The following DAB1 variants were observed in gnomAD, a reference collection of about 807,000 sequenced individuals.
DAB1 encodes the protein disabled homolog 1.
A neutral mutation model predicts 64.6 loss-of-function variants in DAB1; 15 were observed. That is an observed-to-expected ratio of 0.23 (90% CI 0.16 to 0.36). DAB1 has a LOEUF of 0.36. Ranked by LOEUF, DAB1 falls within the 10% of genes least tolerant of loss-of-function variation. DAB1 has a pLI of 1.00. For missense variants in DAB1, 596 were observed against 706.7 expected (o/e 0.84, Z 1.78); for synonymous variants, 235 against 251.9 (o/e 0.93, Z 0.64).
At chr1:57,865,906 A>G (rs1348497958) in intron 1 of DAB1, among the ~76,000 whole-genome samples, 2 of 152,154 alleles carry the variant, frequency 1.3e-5, no homozygotes, top group African/African-American at 2.4e-5. Context: ...GGGGTCTGGG[A>G]AATCCAAAAT....
At chr1:58,193,440 GCAATA>G (rs2100237508) in intron 4 of DAB1, among the ~76,000 whole-genome samples, 1 of 152,282 alleles carries the variant, frequency 6.6e-6, no homozygotes, top group East Asian at 1.9e-4. Flanking sequence ...GTCCTTTGTA[GCAATA>G]CAAAACAGAC....
chr1:57,487,398 G>A (rs1335269245), intron 7 of DAB1, among the ~76,000 whole-genome samples: 1 of 152,126 alleles, frequency 6.6e-6, no homozygotes, highest in Non-Finnish European at 1.5e-5. Flanking sequence ...AACTCTGGTG[G>A]GGGCCAGGGC....
At chr1:57,232,308 A>G (rs933288185) in intron 2 of DAB1, among the ~76,000 whole-genome samples, 2 of 20,684 alleles carry the variant, frequency 9.7e-5, no homozygotes, top group Non-Finnish European at 2.3e-4. Flanking sequence ...TTTTTTTTGC[A>G]CGAACCTCAT....
At chr1:58,026,544 C>T (rs989730413) in intron 5 of DAB1, among the ~76,000 whole-genome samples, 4 of 152,070 alleles carry the variant, frequency 2.6e-5, no homozygotes, top group Non-Finnish European at 5.9e-5. Flanking sequence ...TATTGGTGCT[C>T]CCTTATTATT....
At chr1:57,361,704 A>C (rs1429187751) in intron 1 of DAB1, among the ~76,000 whole-genome samples, 1 of 152,152 alleles carries the variant, frequency 6.6e-6, no homozygotes, top group Non-Finnish European at 1.5e-5. Flanking sequence ...CATGAGAATC[A>C]CATAGCCCAG....
At chr1:57,455,274 T>C (rs1686543224) in intron 7 of DAB1, among the ~76,000 whole-genome samples, 1 of 152,150 alleles carries the variant, frequency 6.6e-6, no homozygotes, top group South Asian at 2.1e-4. Context: ...AACTTTTCTG[T>C]CTATAGATCA....
intron 7 of DAB1, among the ~76,000 whole-genome samples, chr1:57,440,560 A>AGGAG (rs201663510): frequency 2.6e-5 from 4 of 152,090 alleles, no homozygotes; most frequent in Non-Finnish European, 4.4e-5. Flanking sequence ...GAAGGAAGAA[A>AGGAG]GGAGGGAGGG....
intron 4 of DAB1, among the ~76,000 whole-genome samples, chr1:57,081,797 A>G (rs3768185): frequency 0.22 from 33,403 of 151,916 alleles, 4,341 homozygotes; most frequent in East Asian, 0.49. Flanking sequence ...TGTAAGTACT[A>G]ATTAATATTG....
At chr1:57,740,046 C>CAAAAAAAAAAAAA (rs34382329) in intron 6 of DAB1, among the ~76,000 whole-genome samples, 69 of 103,094 alleles carry the variant, frequency 6.7e-4, no homozygotes, top group Non-Finnish European at 8.4e-4. Context: ...ACTACTACTA[C>CAAAAAAAAAAAAA]AAAAAAAAAA....
intron 7 of DAB1, among the ~76,000 whole-genome samples, chr1:57,573,387 T>C (rs1558506693): frequency 6.6e-6 from 1 of 152,214 alleles, no homozygotes; most frequent in Non-Finnish European, 1.5e-5. Context: ...CCACCATGCC[T>C]GACCTCATTA....
At chr1:57,858,393 T>A (rs1188461565) in intron 1 of DAB1, among the ~76,000 whole-genome samples, 1 of 152,156 alleles carries the variant, frequency 6.6e-6, no homozygotes, top group Non-Finnish European at 1.5e-5. Flanking sequence ...TTTGTACAGA[T>A]GAATGCCACA....
chr1:57,757,290 C>T (rs1648862029), intron 6 of DAB1, among the ~76,000 whole-genome samples: 1 of 146,412 alleles, frequency 6.8e-6, no homozygotes, highest in Admixed American at 7.3e-5. Flanking sequence ...CCTCATGTTG[C>T]AACTTATTAA....
chr1:57,310,445 G>A (rs918644371), intron 1 of DAB1, among the ~76,000 whole-genome samples: 4 of 152,082 alleles, frequency 2.6e-5, no homozygotes, highest in Non-Finnish European at 4.4e-5. Flanking sequence ...AGAAGTAAAG[G>A]ATGAGATCAA....
At chr1:58,256,118 T>C (rs7522827) in intron 4 of DAB1, among the ~76,000 whole-genome samples, 79,465 of 151,404 alleles carry the variant, frequency 0.52, 21,984 homozygotes, top group African/African-American at 0.7. Flanking sequence ...GAGAGGGGAC[T>C]AAGAGCCATG....
chr1:57,531,411 C>T (rs769415736), intron 7 of DAB1, among the ~76,000 whole-genome samples: 1 of 152,082 alleles, frequency 6.6e-6, no homozygotes, highest in Non-Finnish European at 1.5e-5. Context: ...CCCACCTGCA[C>T]CCAGGTGATT....
intron 5 of DAB1, among the ~76,000 whole-genome samples, chr1:58,014,349 T>A (rs935780088): frequency 6.6e-6 from 1 of 152,260 alleles, no homozygotes; most frequent in Non-Finnish European, 1.5e-5. Flanking sequence ...TGTCTTTGCA[T>A]GAGATTACAC....
intron 5 of DAB1, among the ~76,000 whole-genome samples, chr1:57,949,569 A>C (rs915194459): frequency 1.1e-5 from 1 of 92,464 alleles, no homozygotes; most frequent in African/African-American, 5.2e-5. Context: ...CACACACAAT[A>C]TATATATATA....
chr1:58,313,954 T>A lies in DAB1; in HGVS notation n.309+29398A>T, dbSNP rs540620576. Among the ~76,000 whole-genome samples the A allele has an allele frequency of 4.6e-4, 70 of 152,054 alleles. 1 individual carries two copies. The South Asian group carries it at 0.014, about 30-fold the overall frequency. ...AGAATCATCACATTGGAGATTAGGA[T>A]TTTAACATATGAATTTGGTGGGTAC... On this transcript the variant is annotated intron_variant and non_coding_transcript_variant, in intron 4 of 20. Transcript: ENST00000485760.
chr1:57,098,081 CTTTA>C (rs1654338920), intron 4 of DAB1, among the ~76,000 whole-genome samples: 1 of 152,088 alleles, frequency 6.6e-6, no homozygotes, highest in East Asian at 1.9e-4. Context: ...CCAGCAGGAA[CTTTA>C]TTTATTTTTT....
Sources: allele counts gnomAD v4.1 joint callset (sites outside exome capture counted in the v4.1 genomes callset), GRCh38; gene constraint gnomAD v4.1.1; transcripts MANE v1.5; gene names NCBI Gene and HGNC (gene_info 2026-07-23, HGNC 2026-07-21).